EXOC4: variants seen among roughly 807,000 people sequenced by gnomAD.
The protein encoded by EXOC4 is exocyst complex component 4.
In EXOC4, 71 loss-of-function variants were observed where a neutral mutation model predicts 107.2. The ratio of observed to expected loss-of-function variants is 0.66; its 90% confidence interval spans 0.55 to 0.81. The LOEUF is 0.81. Ranked by LOEUF, EXOC4 falls within the 30% of genes least tolerant of loss-of-function variation. The probability of loss-of-function intolerance (pLI) is 0.00; values close to 1 mark genes in which losing one functional copy is unlikely to be tolerated. For synonymous variants in EXOC4, 456 were observed against 441.2 expected, an observed-to-expected ratio of 1.03 and a Z score of -0.42; for missense variants, 1,108 against 1,189.6, an observed-to-expected ratio of 0.93 and a Z score of 1.01.
intron 14 of EXOC4, among the ~76,000 whole-genome samples, chr7:133,996,582 G>A (rs1794397593): frequency 6.6e-6 from 1 of 152,086 alleles, no homozygotes. Context: ...TTTCCAAAAA[G>A]ACCTTCTTAG....
At chr7:133,279,002 A>T (rs1436134694) in intron 2 of EXOC4, among the ~76,000 whole-genome samples, 1 of 149,810 alleles carries the variant, frequency 6.7e-6, no homozygotes. Flanking sequence ...CCAGTGTGTG[A>T]TGTTCCCCTT....
chr7:134,092,487 A>G, the EXOC4 span, among the ~76,000 whole-genome samples: 1 of 151,784 alleles, frequency 6.6e-6, no homozygotes, highest in Non-Finnish European at 1.5e-5. Context: ...AAAGAGTTAA[A>G]GGACAGCATA....
At chr7:133,422,293 C>G (rs568455355) in intron 7 of EXOC4, among the ~76,000 whole-genome samples, 1 of 152,118 alleles carries the variant, frequency 6.6e-6, no homozygotes, top group East Asian at 1.9e-4. Flanking sequence ...TTAAAAAACT[C>G]GCTTAGTGAA....
In EXOC4 at chr7:133,253,161, C is replaced by T. The variant is rs73436933; in HGVS notation, c.60C>T (p.Pro20=). 3,065 of 1,614,170 alleles carry T rather than the reference C, an allele frequency of 1.9e-3. 63 individuals are homozygous for T. In the African/African-American group the frequency reaches 0.038, roughly 20 times the overall value. ...GCACAGTCAGCAAAAGCAAAGACCC[C>T]TCGGGGCTGCTCATCTCTGTGATCA... ...YRSTVSKSKD[P]SGLLISVIRT... is the part of the protein sequence containing the mutation. Residue 20 remains proline, a synonymous_variant, in exon 1 of 18, where the codon CCC becomes CCT. Coordinates refer to ENST00000253861, the MANE Select transcript of EXOC4 (RefSeq NM_021807.4).
At chr7:133,816,881 GGTCTGGTTCCTAACAGGCCACAGACCC>G (rs1164904714) in intron 10 of EXOC4, among the ~76,000 whole-genome samples, 2 of 152,098 alleles carry the variant, frequency 1.3e-5, no homozygotes, top group African/African-American at 4.8e-5. Context: ...CCTGCTGTGC[GGTCTGGTTCCTAACAGGCCACAGACCC>G]GTACTGGTTC....
intron 8 of EXOC4, among the ~76,000 whole-genome samples, chr7:133,476,433 T>C (rs1799014135): frequency 6.6e-6 from 1 of 152,208 alleles, no homozygotes; most frequent in Non-Finnish European, 1.5e-5. Context: ...TCTGTAAATA[T>C]AAGCATGTAA....
chr7:133,272,223 G>C (rs991267691), intron 1 of EXOC4, among the ~76,000 whole-genome samples: 3 of 152,180 alleles, frequency 2.0e-5, no homozygotes, highest in African/African-American at 2.4e-5. Flanking sequence ...GTCATGAGTA[G>C]TCAGTAGGGT....
chr7:133,961,910 T>C (rs1465033745), intron 14 of EXOC4, among the ~76,000 whole-genome samples: 1 of 152,212 alleles, frequency 6.6e-6, no homozygotes, highest in Non-Finnish European at 1.5e-5. Context: ...TCTAATGTGG[T>C]ACCTCATCTA....
chr7:133,536,218 T>C (rs190837144), intron 9 of EXOC4, among the ~76,000 whole-genome samples: 1 of 152,340 alleles, frequency 6.6e-6, no homozygotes, highest in Admixed American at 6.5e-5. Flanking sequence ...ATGCCTGCCA[T>C]GGTCCCTTAC....
At chr7:133,259,990 C>G (rs1446451166) in intron 1 of EXOC4, among the ~76,000 whole-genome samples, 1 of 152,166 alleles carries the variant, frequency 6.6e-6, no homozygotes. Flanking sequence ...ATACAGAACA[C>G]TTCCAGCATC....
chr7:133,554,799 T>G (rs2150945045), intron 9 of EXOC4, among the ~76,000 whole-genome samples: 1 of 152,320 alleles, frequency 6.6e-6, no homozygotes, highest in South Asian at 2.1e-4. Context: ...AACTAGACTG[T>G]GAGATCCTTA....
At chr7:133,522,807 G>T (rs1800004777) in intron 9 of EXOC4, among the ~76,000 whole-genome samples, 1 of 152,076 alleles carries the variant, frequency 6.6e-6, no homozygotes, top group Non-Finnish European at 1.5e-5. Flanking sequence ...GCATACACAA[G>T]ATTTAAAATG....
intron 7 of EXOC4, among the ~76,000 whole-genome samples, chr7:133,454,992 G>C (rs1319110101): frequency 6.6e-6 from 1 of 152,034 alleles, no homozygotes. Context: ...AGGCTGAGGC[G>C]GGAGGATTGC....
intron 14 of EXOC4, among the ~76,000 whole-genome samples, chr7:133,948,670 A>G (rs1003103422): frequency 6.6e-6 from 1 of 152,204 alleles, no homozygotes; most frequent in Admixed American, 6.5e-5. Flanking sequence ...CAGACTTTCA[A>G]GAACCTTTGT....
chr7:133,436,500 T>TA (rs565649959), intron 7 of EXOC4, among the ~76,000 whole-genome samples: 1,681 of 141,252 alleles, frequency 0.012, 23 homozygotes, highest in African/African-American at 0.028. Flanking sequence ...AGTGTGGTGT[T>TA]AAAAAAAAAA....
chr7:133,417,436 TAA>T (rs996533610), intron 7 of EXOC4, among the ~76,000 whole-genome samples: 2 of 152,162 alleles, frequency 1.3e-5, no homozygotes, highest in Non-Finnish European at 2.9e-5. Context: ...CTTAAGGTGT[TAA>T]ATGGTTTTGT....
At chr7:133,293,033 T>C (rs1260846008) in intron 3 of EXOC4, among the ~76,000 whole-genome samples, 1 of 152,228 alleles carries the variant, frequency 6.6e-6, no homozygotes, top group African/African-American at 2.4e-5. Flanking sequence ...ATAGCTAATA[T>C]GTATTGAGCA....
At chr7:133,953,727 C>A (rs1030334743) in intron 14 of EXOC4, among the ~76,000 whole-genome samples, 1 of 152,098 alleles carries the variant, frequency 6.6e-6, no homozygotes, top group African/African-American at 2.4e-5. Context: ...TCAAAATTTA[C>A]AATGGAAATT....
intron 7 of EXOC4, among the ~76,000 whole-genome samples, chr7:133,375,423 C>A (rs1796467513): frequency 6.6e-6 from 1 of 152,036 alleles, no homozygotes; most frequent in South Asian, 2.1e-4. Flanking sequence ...TTGCAGTGAG[C>A]CATTGTACCA....
Sources: allele counts gnomAD v4.1 joint callset (sites outside exome capture counted in the v4.1 genomes callset), GRCh38; gene constraint gnomAD v4.1.1; transcripts MANE v1.5; gene names NCBI Gene and HGNC (gene_info 2026-07-23, HGNC 2026-07-21).